The following MBTPS1 variants were observed in gnomAD, a reference collection of about 807,000 sequenced individuals.
MBTPS1 encodes membrane bound transcription factor peptidase, site 1.
A neutral mutation model predicts 127.8 loss-of-function variants in MBTPS1; 94 were observed. The observed-to-expected ratio is 0.74, with a 90% CI of 0.62 to 0.87. The LOEUF (loss-of-function observed/expected upper bound fraction) is 0.87. Ranked by LOEUF, MBTPS1 falls within the 40% of genes least tolerant of loss-of-function variation. The probability of loss-of-function intolerance (pLI) is 0.00; values close to 1 mark genes in which losing one functional copy is unlikely to be tolerated. For synonymous variants in MBTPS1, 632 were observed against 509.4 expected, an observed-to-expected ratio of 1.24 and a Z score of -3.24; for missense variants, 1,636 against 1,353.2, an observed-to-expected ratio of 1.21 and a Z score of -3.28.
At chr16:84,073,414 G>A (rs570760482) in intron 12 of MBTPS1, among the ~76,000 whole-genome samples, 16 of 152,278 alleles carry the variant, frequency 1.1e-4, no homozygotes, top group African/African-American at 3.6e-4. Context: ...TTACAGGCTT[G>A]AGCCAACACG....
chr16:84,070,486 C>T (rs1278955751), intron 13 of MBTPS1, 102 bp downstream of exon 13: 1 of 1,192,104 alleles, frequency 8.4e-7, no homozygotes, highest in South Asian at 1.3e-5. Flanking sequence ...GCCTATCTGT[C>T]AACTGTACTT....
At chr16:84,083,468 T>G (rs2085971737) in intron 10 of MBTPS1, among the ~76,000 whole-genome samples, 1 of 152,114 alleles carries the variant, frequency 6.6e-6, no homozygotes, top group Admixed American at 6.5e-5. Context: ...CTTTTTTTTT[T>G]TTGGTAGAGA....
At chr16:84,115,452 A>G (rs899727073) in intron 1 of MBTPS1, among the ~76,000 whole-genome samples, 2 of 152,210 alleles carry the variant, frequency 1.3e-5, no homozygotes, top group African/African-American at 2.4e-5. Flanking sequence ...CGCATCACAC[A>G]TTAGAGCATA....
intron 6 of MBTPS1, among the ~76,000 whole-genome samples, 176 bp from the exon 7 acceptor site, chr16:84,092,024 G>C (rs2292321): frequency 0.74 from 112,366 of 152,032 alleles, 41,627 homozygotes; most frequent in East Asian, 0.86. Flanking sequence ...AATACAACAC[G>C]TAGAAGTTCT....
intron 1 of MBTPS1, among the ~76,000 whole-genome samples, chr16:84,103,315 G>A (rs192822156): frequency 1.9e-4 from 28 of 150,634 alleles, no homozygotes; most frequent in South Asian, 1.3e-3. Flanking sequence ...AGTGGGTGGC[G>A]CAATCTCTGC....
chr16:84,065,899 G>T (rs2085676038), intron 17 of MBTPS1, 132 bp from the exon 18 acceptor site: 1 of 535,940 alleles, frequency 1.9e-6, no homozygotes, highest in Non-Finnish European at 3.2e-6. Flanking sequence ...TCTTGAGGGA[G>T]GAGCTGCTAT....
At chr16:84,095,359 T>C (rs955135989) in intron 4 of MBTPS1, among the ~76,000 whole-genome samples, 4 of 152,192 alleles carry the variant, frequency 2.6e-5, no homozygotes, top group Admixed American at 1.3e-4. Flanking sequence ...AAGACACAAA[T>C]GGTGACAATT....
intron 4 of MBTPS1, 98 bp from the exon 5 acceptor site, chr16:84,093,919 T>A: frequency 1.1e-6 from 1 of 886,270 alleles, no homozygotes; most frequent in South Asian, 1.5e-5. Context: ...CCACAGAAAA[T>A]GACATATTGT....
chr16:84,112,475 C>T (rs2086410974), intron 1 of MBTPS1, among the ~76,000 whole-genome samples: 3 of 151,676 alleles, frequency 2.0e-5, no homozygotes, highest in South Asian at 2.1e-4. Context: ...CTGGCTAACA[C>T]ACTGAAACCC....
intron 6 of MBTPS1, among the ~76,000 whole-genome samples, chr16:84,092,760 C>A (rs1443989501): frequency 1.3e-5 from 2 of 152,212 alleles, no homozygotes; most frequent in Non-Finnish European, 2.9e-5. Context: ...TTACCCAACA[C>A]AATGCCAGGT....
chr16:84,098,513 G>C (rs1023164677), intron 3 of MBTPS1, among the ~76,000 whole-genome samples: 2 of 146,424 alleles, frequency 1.4e-5, no homozygotes, highest in African/African-American at 2.6e-5. Context: ...GGGAGGCTAA[G>C]GCAGGAGAAT....
chr16:84,076,633 T>C (rs2085858105), intron 11 of MBTPS1, among the ~76,000 whole-genome samples: 1 of 152,044 alleles, frequency 6.6e-6, no homozygotes, highest in Admixed American at 6.5e-5. Context: ...ATCAACCAGT[T>C]AGAGAATATA....
intron 3 of MBTPS1, among the ~76,000 whole-genome samples, chr16:84,098,680 G>A (rs11642928): frequency 0.28 from 43,221 of 151,944 alleles, 7,334 homozygotes; most frequent in East Asian, 0.43. Context: ...CAAGGAAGAA[G>A]CAGACACAAG....
At chr16:84,082,687 T>C (rs2085958924) in intron 10 of MBTPS1, among the ~76,000 whole-genome samples, 1 of 152,176 alleles carries the variant, frequency 6.6e-6, no homozygotes, top group South Asian at 2.1e-4. Flanking sequence ...AATATTCGTA[T>C]GTGATGATGT....
At chr16:84,080,812 C>CGGA (rs760291688) in intron 11 of MBTPS1, among the ~76,000 whole-genome samples, 12 of 152,344 alleles carry the variant, frequency 7.9e-5, no homozygotes, top group Non-Finnish European at 1.5e-4. Flanking sequence ...TTCCCACACC[C>CGGA]TTCCCTTTAT....
intron 11 of MBTPS1, 170 bp downstream of exon 11, chr16:84,081,577 T>C: frequency 4.7e-6 from 2 of 426,822 alleles, no homozygotes; most frequent in South Asian, 2.2e-4. Context: ...CAGCTACCAG[T>C]TCTGCCAGCA....
intron 1 of MBTPS1, among the ~76,000 whole-genome samples, chr16:84,106,559 A>G (rs1201616768): frequency 6.6e-6 from 1 of 152,134 alleles, no homozygotes; most frequent in East Asian, 1.9e-4. Flanking sequence ...GGCCAGCGGG[A>G]AGCAAGGGAA....
At chr16:84,116,069 G>A (rs1318730976) in intron 1 of MBTPS1, among the ~76,000 whole-genome samples, 1 of 152,166 alleles carries the variant, frequency 6.6e-6, no homozygotes, top group Non-Finnish European at 1.5e-5. Flanking sequence ...TGAGTCTCCA[G>A]AATTCAACGC....
At chr16:84,104,397 G>C (rs1253657183) in intron 1 of MBTPS1, among the ~76,000 whole-genome samples, 1 of 152,044 alleles carries the variant, frequency 6.6e-6, no homozygotes, top group Non-Finnish European at 1.5e-5. Flanking sequence ...TTAGCCTGGA[G>C]GGTTGCAGTG....
Sources: allele counts gnomAD v4.1 joint callset (sites outside exome capture counted in the v4.1 genomes callset), GRCh38; gene constraint gnomAD v4.1.1; transcripts MANE v1.5; gene names NCBI Gene and HGNC (gene_info 2026-07-23, HGNC 2026-07-21).